The following ZDHHC14 variants were observed in gnomAD, a reference collection of about 807,000 sequenced individuals.
ZDHHC14 encodes the protein zDHHC palmitoyltransferase 14.
ZDHHC14 carries 16 observed loss-of-function variants against 47.7 expected under a neutral mutation model. That is an observed-to-expected ratio of 0.34 (90% CI 0.23 to 0.51). The LOEUF is 0.51. ZDHHC14 is among the 20% of genes least tolerant of loss of function. The pLI is 0.97. For synonymous variants in ZDHHC14, 293 were observed against 278.9 expected, an observed-to-expected ratio of 1.05 and a Z score of -0.50; for missense variants, 515 against 662.5, an observed-to-expected ratio of 0.78 and a Z score of 2.44.
intron 8 of ZDHHC14, among the ~76,000 whole-genome samples, chr6:157,656,600 T>C (rs994518111): frequency 6.6e-6 from 1 of 150,662 alleles, no homozygotes; most frequent in African/African-American, 2.4e-5. Context: ...CCTCCCAAAG[T>C]GATAGGATTA....
chr6:157,583,143 C>A (rs1783573747), intron 2 of ZDHHC14, among the ~76,000 whole-genome samples: 1 of 151,896 alleles, frequency 6.6e-6, no homozygotes, highest in Non-Finnish European at 1.5e-5. Context: ...TTCTTAGATC[C>A]CTTGGATTGG....
At chr6:157,563,441 C>T (rs1259919243) in intron 2 of ZDHHC14, among the ~76,000 whole-genome samples, 2 of 152,150 alleles carry the variant, frequency 1.3e-5, no homozygotes, top group Non-Finnish European at 2.9e-5. Context: ...TGTTTCTTCC[C>T]CCTTCCCGGA....
At position 157,673,215 on chromosome 6, in the gene ZDHHC14, A is replaced by G; in HGVS notation, c.*93A>G. 1 of 1,439,346 alleles carries G rather than the reference A, an allele frequency of 6.9e-7. No homozygotes were observed. The highest frequency in any genetic ancestry group is 9.1e-7 in the Non-Finnish European group (1 of 1,100,612). The allele number at this position is 1,439,346 out of a possible 1,614,324, so 89.2% of individuals were successfully genotyped here. A position where few individuals can be genotyped will look rare whatever the true frequency, so the allele number is the denominator to read the frequency against. On this transcript the variant is annotated 3_prime_UTR_variant, in exon 9 of 9. Transcript: ENST00000359775. The surrounding 1 kb of genome is among the most constrained non-coding windows in gnomAD (Gnocchi z 5.4). The stretch of plus-strand genomic sequence containing the variant: ...GTGTCCCACAGCGACTTTCCCAGCC[A>G]ATGCCACGGTGGAGATGACAGCCCC...
At chr6:157,654,231 G>T (rs368870168) in intron 8 of ZDHHC14, among the ~76,000 whole-genome samples, 2 of 152,128 alleles carry the variant, frequency 1.3e-5, no homozygotes, top group African/African-American at 4.8e-5. Flanking sequence ...GGTTTCTAGC[G>T]TGCAGGTTTC....
rs556978733 is a variant in ZDHHC14, at chr6:157,424,953, C to T, written c.245+42687C>T. Among the ~76,000 whole-genome samples the T allele has an allele frequency of 5.0e-3, 767 of 152,256 alleles. 5 individuals carry two copies. The highest frequency in any genetic ancestry group is 0.017 in the African/African-American group (716 of 41,538). On this transcript the variant is annotated intron_variant, in intron 1 of 8. Transcript: ENST00000359775. The stretch of plus-strand genomic sequence containing the variant: ...CCCACTCTCACTCTTCAGTCCATAG[C>T]CAGCCACACTGCAGCCAGAGGGAGC...
At chr6:157,479,017 G>A (rs1779555398) in intron 1 of ZDHHC14, among the ~76,000 whole-genome samples, 5 of 152,200 alleles carry the variant, frequency 3.3e-5, no homozygotes, top group Admixed American at 3.3e-4. Context: ...CATAATGTCA[G>A]CCAACTGTGT....
At chr6:157,403,397 C>G (rs1415138609) in intron 1 of ZDHHC14, among the ~76,000 whole-genome samples, 2 of 152,052 alleles carry the variant, frequency 1.3e-5, no homozygotes, top group African/African-American at 4.8e-5. Context: ...TGTTTATTTT[C>G]TTTATTATTT....
At chr6:157,628,258 G>C in intron 3 of ZDHHC14, 91 bp from the exon 4 acceptor site, 1 of 1,242,806 alleles carries the variant, frequency 8.0e-7, no homozygotes, top group Non-Finnish European at 1.1e-6. Context: ...TACTATCAGA[G>C]TATTGGGTGG....
intron 3 of ZDHHC14, among the ~76,000 whole-genome samples, chr6:157,603,116 G>A (rs539045145): frequency 7.2e-5 from 11 of 152,296 alleles, no homozygotes; most frequent in African/African-American, 2.6e-4. Flanking sequence ...TCATGGCAGT[G>A]CCAGGGCCCA....
intron 1 of ZDHHC14, among the ~76,000 whole-genome samples, chr6:157,383,022 T>C (rs1290123082): frequency 6.6e-6 from 1 of 152,200 alleles, no homozygotes; most frequent in African/African-American, 2.4e-5. Context: ...CCAGAAACAG[T>C]CTGGACTTCA....
intron 2 of ZDHHC14, among the ~76,000 whole-genome samples, chr6:157,556,432 C>T (rs1381209466): frequency 4.6e-5 from 7 of 152,216 alleles, no homozygotes; most frequent in African/African-American, 1.7e-4. Flanking sequence ...CGAGTAACTC[C>T]CAAAGCCTCT....
At chr6:157,479,111 G>A (rs1332741449) in intron 1 of ZDHHC14, among the ~76,000 whole-genome samples, 1 of 152,194 alleles carries the variant, frequency 6.6e-6, no homozygotes, top group Non-Finnish European at 1.5e-5. Flanking sequence ...TAGGAGCATG[G>A]ACTCTGGAGT....
chr6:157,488,397 C>T (rs901306082), intron 1 of ZDHHC14, among the ~76,000 whole-genome samples: 2 of 152,194 alleles, frequency 1.3e-5, no homozygotes, highest in Non-Finnish European at 2.9e-5. Context: ...GAAATCCACT[C>T]GCCCTGTGGT....
rs1451753150 is a variant in ZDHHC14 at position 157,466,401 on chromosome 6, T to A, written c.246-76184T>A. On this transcript the variant is annotated intron_variant, in intron 1 of 8. Coordinates refer to ENST00000359775, the MANE Select transcript of ZDHHC14 (RefSeq NM_024630.3). ...CCCTGGCCATTGTGGATTCCCAGGG[T>A]TTAGGACTGTGCTTGGCACACAGGA... Among the ~76,000 whole-genome samples the A allele has an allele frequency of 3.9e-5, 6 of 152,232 alleles. No individual in the cohort carries two copies. The East Asian group carries it at 1.2e-3, about 29-fold the overall frequency.
chr6:157,412,165 C>T (rs1777883593), intron 1 of ZDHHC14, among the ~76,000 whole-genome samples: 1 of 152,092 alleles, frequency 6.6e-6, no homozygotes, highest in African/African-American at 2.4e-5. Context: ...TCTCGAACTC[C>T]TGACCTCAAG....
chr6:157,447,974 C>T (rs1272984155), intron 1 of ZDHHC14, among the ~76,000 whole-genome samples: 3 of 152,100 alleles, frequency 2.0e-5, no homozygotes, highest in Non-Finnish European at 4.4e-5. Context: ...TAGGCTCAAG[C>T]GATCTGCCTG....
intron 1 of ZDHHC14, among the ~76,000 whole-genome samples, chr6:157,399,715 A>T (rs1312408358): frequency 6.6e-6 from 1 of 152,196 alleles, no homozygotes; most frequent in Non-Finnish European, 1.5e-5. Flanking sequence ...TCCTTTGCAC[A>T]TTGCAGCTGT....
intron 3 of ZDHHC14, among the ~76,000 whole-genome samples, chr6:157,614,509 CTGT>C (rs572511596): frequency 1.1e-4 from 16 of 152,166 alleles, no homozygotes; most frequent in Non-Finnish European, 1.9e-4. Flanking sequence ...AGAGAAGGGG[CTGT>C]TGACTAGGCC....
chr6:157,405,424 G>A (rs565474901), intron 1 of ZDHHC14, among the ~76,000 whole-genome samples: 57 of 152,256 alleles, frequency 3.7e-4, no homozygotes, highest in African/African-American at 1.3e-3. Flanking sequence ...AGTAGAGACG[G>A]GGTTTCACTG....
Sources: gnomAD v4.1 joint callset for allele counts (sites outside exome capture counted in the v4.1 genomes callset) on GRCh38, gnomAD v4.1.1 for gene constraint, Gnocchi (gnomAD v3.1) non-coding constraint, MANE v1.5 for transcripts, NCBI Gene and HGNC (gene_info 2026-07-23, HGNC 2026-07-21) for gene names.